Variants in ITGA10 observed in about 807,000 individuals in gnomAD.
ITGA10 encodes the protein integrin alpha-10.
ITGA10 carries 105 observed loss-of-function variants against 145.2 expected under a neutral mutation model. The observed-to-expected ratio is 0.72, with a 90% CI of 0.62 to 0.85. The LOEUF is 0.85. Ranked by LOEUF, ITGA10 falls within the 40% of genes least tolerant of loss-of-function variation. ITGA10 has a pLI of 0.00. For synonymous variants in ITGA10, 506 were observed against 557.8 expected, an observed-to-expected ratio of 0.91 and a Z score of 1.31; for missense variants, 1,317 against 1,444.5, an observed-to-expected ratio of 0.91 and a Z score of 1.43.
chr1:145,903,473 T>C (rs1473736014), intron 7 of ITGA10, among the ~76,000 whole-genome samples: 1 of 152,158 alleles, frequency 6.6e-6, no homozygotes, highest in African/African-American at 2.4e-5. Context: ...GACTTCTGTC[T>C]GTGAAATATG....
chr1:145,903,538 C>G (rs1656678790), intron 7 of ITGA10, among the ~76,000 whole-genome samples: 1 of 152,102 alleles, frequency 6.6e-6, no homozygotes, highest in African/African-American at 2.4e-5. Context: ...AGTACAATGA[C>G]AGCCCACTTA....
At chr1:145,898,341 T>A in intron 17 of ITGA10, 118 bp from the exon 18 acceptor site, 1 of 459,068 alleles carries the variant, frequency 2.2e-6, no homozygotes, top group East Asian at 3.6e-5. Flanking sequence ...ACTGTATTAC[T>A]AAATTTAATT....
Position 145,893,641 on chromosome 1 carries a change from G to T in ITGA10, c.3229-6C>A, listed in dbSNP as rs368969313. On this transcript the variant is annotated splice_region_variant and splice_polypyrimidine_tract_variant and intron_variant, in intron 27 of 29. Transcript: ENST00000369304. Reference sequence around the variant, plus strand: ...GTCAGGGACTTGAACTTGGCCTATGGAACAAGTGGATAGGAAGACATTTAA... The same window carrying T: ...GTCAGGGACTTGAACTTGGCCTATGTAACAAGTGGATAGGAAGACATTTAA... 1 of 1,607,770 alleles carries T rather than the reference G, an allele frequency of 6.2e-7. No homozygotes were observed. The highest frequency in any genetic ancestry group is 1.3e-5 in the African/African-American group (1 of 74,742).
At position 145,892,767 on chromosome 1, in the gene ITGA10, AG is replaced by A; in HGVS notation, c.*30del. ...ATGCAAGTCTCTTGAAGAAGCTGCC[AG>A]GGAGGACTTTCTAGACCCTTATTCT... On this transcript the variant is annotated 3_prime_UTR_variant, in exon 30 of 30. Transcript: ENST00000369304. 1 of 1,545,300 alleles carries A rather than the reference AG, an allele frequency of 6.5e-7. No homozygotes were observed. The highest frequency in any genetic ancestry group is 8.9e-7 in the Non-Finnish European group (1 of 1,117,972).
chr1:145,906,137 C>G (rs1657109116), intron 5 of ITGA10: 1 of 355,808 alleles, frequency 2.8e-6, no homozygotes, highest in Non-Finnish European at 5.2e-6. Context: ...CCATGTTGGC[C>G]AGGCTGGTCT....
intron 27 of ITGA10, among the ~76,000 whole-genome samples, 178 bp from the exon 28 acceptor site, chr1:145,893,813 C>T (rs965630362): frequency 6.6e-5 from 10 of 152,096 alleles, no homozygotes; most frequent in Admixed American, 1.3e-4. Flanking sequence ...TGGAAAACCC[C>T]TGGTCACATC....
In ITGA10 at chr1:145,907,373, C is replaced by T. The variant is rs1657300472; in HGVS notation, c.145G>A (p.Val49Ile). The change falls in exon 2 of 30, where the codon GTT becomes ATT. Residue 49 changes from valine to isoleucine, a missense_variant. By Grantham distance (29) the Val-to-Ile change is conservative. Coordinates refer to ENST00000369304, the MANE Select transcript of ITGA10 (RefSeq NM_003637.5). Reference protein sequence around the residue: ...AEFGYSVLQHVGGGQRWMLVG... With the variant: ...AEFGYSVLQHIGGGQRWMLVG... ...CCTCACCATCGCTGTCCACCCCCAA[C>T]ATGTTGTAAGACACTGTATCCAAAT... is the stretch of plus-strand genomic sequence containing the variant. The T allele has an allele frequency of 5.0e-6, 8 of 1,614,196 alleles. No homozygotes were observed. The highest frequency in any genetic ancestry group is 1.3e-5 in the African/African-American group (1 of 75,034).
chr1:145,902,071 G>C (rs782682406), intron 10 of ITGA10, 50 bp from the exon 11 acceptor site: 2 of 1,575,304 alleles, frequency 1.3e-6, no homozygotes, highest in Non-Finnish European at 1.7e-6. Flanking sequence ...GGGGAATAAA[G>C]AGAAAAAAAA....
rs1654755283 is a variant in ITGA10 at position 145,891,520 on chromosome 1, C to CTATGACAAT, written c.*1277_*1278insATTGTCATA. On this transcript the variant is annotated 3_prime_UTR_variant, in exon 30 of 30. Coordinates refer to ENST00000369304, the MANE Select transcript of ITGA10 (RefSeq NM_003637.5). ...CTTGATTACAAAGAAATATAAGTTA[C>CTATGACAAT]CCAGTTGTCTATGAGAATCCAACTG... 1 of 152,242 alleles carries CTATGACAAT rather than the reference C, an allele frequency of 6.6e-6. No homozygotes were observed. The highest frequency in any genetic ancestry group is 1.5e-5 in the Non-Finnish European group (1 of 68,040). 9.4% of individuals were successfully genotyped at this position (152,242 alleles called of 1,614,324 possible).
chr1:145,903,004 CACACACACACACACACACAT>C (rs1170260844), intron 7 of ITGA10, 43 bp from the exon 8 acceptor site: 9,363 of 558,140 alleles, frequency 0.017, 113 homozygotes, highest in East Asian at 0.078. Flanking sequence ...TGTATGCAGA[CACACACACACACACACACAT>C]ACACACACAC....
chr1:145,904,325 T>C, intron 6 of ITGA10, 125 bp from the exon 7 acceptor site: 1 of 882,196 alleles, frequency 1.1e-6, no homozygotes, highest in South Asian at 1.6e-5. Flanking sequence ...CCTACATTTA[T>C]CCCCTCTCTC....
chr1:145,908,951 C>T (rs1315311463), intron 1 of ITGA10, among the ~76,000 whole-genome samples: 1 of 152,104 alleles, frequency 6.6e-6, no homozygotes, highest in Non-Finnish European at 1.5e-5. Context: ...GGTCACATCA[C>T]ATTTCTTTTT....
Position 145,904,613 on chromosome 1 carries a change from G to C in ITGA10, c.609+71C>G, listed in dbSNP as rs587694534. ...TAGTCTTGAACTCCTGGCCTCAGGG[G>C]ATCCTCCCACCTCCACCTCTTAAGT... On this transcript the variant is annotated intron_variant, in intron 6 of 29. Coordinates refer to ENST00000369304, the MANE Select transcript of ITGA10 (RefSeq NM_003637.5). The C allele has an allele frequency of 1.3e-5, 20 of 1,551,330 alleles. No individual in the cohort carries two copies. In the African/African-American group the frequency reaches 1.5e-4, roughly 12 times the overall value.
At chr1:145,894,348 G>A (rs1553744184) in intron 27 of ITGA10, among the ~76,000 whole-genome samples, 2 of 152,042 alleles carry the variant, frequency 1.3e-5, no homozygotes, top group South Asian at 2.1e-4. Context: ...CTGATCTCAT[G>A]ATCTGCCCAC....
rs782003618 is a variant in ITGA10, at chr1:145,902,564, A to C, written c.965T>G (p.Ile322Ser). 1.2e-6 allele frequency: 2 copies of C among 1,613,766 alleles called. No individual in the cohort carries two copies. The highest frequency in any genetic ancestry group is 1.7e-6 in the Non-Finnish European group (2 of 1,179,872). The change falls in exon 9 of 30, where the codon ATT becomes AGT. Residue 322 changes from isoleucine (I) to serine (S), a missense_variant. Transcript: ENST00000369304. The part of the protein sequence containing the change: ...QRDPSSFLRE[I>S]RTIASDPDER... ...ATCTGGATCACTGGCAATAGTTCTAATTTCTCTCAGGAAAGAGCTGGGATC... is the reference window on the plus strand; with the variant it reads ...ATCTGGATCACTGGCAATAGTTCTACTTTCTCTCAGGAAAGAGCTGGGATC...
In ITGA10 at chr1:145,904,064, A is replaced by T. The variant is rs1553750191; in HGVS notation, c.746T>A (p.Ile249Lys). The T allele has an allele frequency of 6.2e-7, 1 of 1,613,766 alleles. No homozygotes were observed. The highest frequency in any genetic ancestry group is 1.1e-5 in the South Asian group (1 of 91,056). Residue 249 changes from isoleucine (I) to lysine (K), a missense_variant, in exon 7 of 30, where the codon ATA becomes AAA. Physicochemically the swap from Ile to Lys is moderately radical, Grantham distance 102 (BLOSUM62 -3). Coordinates refer to ENST00000369304, the MANE Select transcript of ITGA10 (RefSeq NM_003637.5). ...EGRETKTAQAIMVACTEGFSQ... is the reference protein window; with the variant it reads ...EGRETKTAQAKMVACTEGFSQ... ...CCCAATGCCTCACCAGGCCACCATT[A>T]TTGCTTGGGCAGTCTTTGTTTCTCG...
chr1:145,901,033 A>G lies in ITGA10; in HGVS notation c.1588-40T>C. On this transcript the variant is annotated intron_variant, in intron 13 of 29. Coordinates refer to ENST00000369304, the MANE Select transcript of ITGA10 (RefSeq NM_003637.5). This position sits in a 1 kb window ranked among gnomAD's most constrained non-coding sequence, Gnocchi z 4.3. ...AAGATAGAAGATGCTAATCTGGCAG[A>G]CCCAACCTCTCAGCAAACCCTCAAA... 1 of 1,613,142 alleles carries G rather than the reference A, an allele frequency of 6.2e-7. No individual in the cohort carries two copies. The highest frequency in any genetic ancestry group is 8.5e-7 in the Non-Finnish European group (1 of 1,179,296).
chr1:145,901,361 G>T lies in ITGA10; in HGVS notation c.1444-83C>A. On this transcript the variant is annotated intron_variant, in intron 12 of 29. Coordinates refer to ENST00000369304, the MANE Select transcript of ITGA10 (RefSeq NM_003637.5). This position sits in a 1 kb window ranked among gnomAD's most constrained non-coding sequence, Gnocchi z 4.3. ...TGGACTCAGTGGGAAGCACTCACCAGCCTGCTAGTCTGCTCCTTACATCCC... is the reference window on the plus strand; with the variant it reads ...TGGACTCAGTGGGAAGCACTCACCATCCTGCTAGTCTGCTCCTTACATCCC... 6.4e-7 allele frequency: 1 copy of T among 1,551,316 alleles called. No individual in the cohort carries two copies.
chr1:145,900,060 A>G lies in ITGA10; in HGVS notation c.1919T>C (p.Leu640Pro). The change falls in exon 15 of 30, where the codon CTC becomes CCC. Residue 640 changes from leucine (L) to proline (P), a missense_variant. By Grantham distance (98) the Leu-to-Pro change is moderately conservative. Coordinates refer to ENST00000369304, the MANE Select transcript of ITGA10 (RefSeq NM_003637.5). ...AVGAQGAAIL[L>P]SSRPIVHLTP... ...CACCTGAGCTGGGACCCCTCACCTGAGCAGGATGGCTGCCCCCTGGGCACC... is the reference window on the plus strand; with the variant it reads ...CACCTGAGCTGGGACCCCTCACCTGGGCAGGATGGCTGCCCCCTGGGCACC... 6.2e-7 allele frequency: 1 copy of G among 1,613,348 alleles called. No homozygotes were observed. Among genetic ancestry groups the G allele is most frequent in the Non-Finnish European group, 8.5e-7 (1 of 1,179,650 alleles).
Sources: allele counts gnomAD v4.1 joint callset (sites outside exome capture counted in the v4.1 genomes callset), GRCh38; gene constraint gnomAD v4.1.1; non-coding constraint Gnocchi (gnomAD v3.1); transcripts MANE v1.5; gene names NCBI Gene and HGNC (gene_info 2026-07-23, HGNC 2026-07-21).